The following MEGF11 variants were observed in gnomAD, a reference collection of about 807,000 sequenced individuals.
MEGF11 encodes multiple epidermal growth factor-like domains protein 11.
MEGF11 carries 126 observed loss-of-function variants against 146.6 expected under a neutral mutation model. The ratio of observed to expected loss-of-function variants is 0.86; its 90% CI spans 0.74 to 1.00. The LOEUF (loss-of-function observed/expected upper bound fraction) is 1.00, where lower values mean the gene tolerates loss of function less well. Among genes scored for constraint, MEGF11 ranks in the 50% least tolerant of loss-of-function variants. The pLI is 0.00. For missense variants in MEGF11, 1,509 were observed against 1,521.2 expected, an observed-to-expected ratio of 0.99 and a Z score of 0.13; for synonymous variants, 532 against 583.4, an observed-to-expected ratio of 0.91 and a Z score of 1.27.
At chr15:66,181,347 G>C (rs1384314550) in intron 1 of MEGF11, among the ~76,000 whole-genome samples, 2 of 152,114 alleles carry the variant, frequency 1.3e-5, no homozygotes, top group Non-Finnish European at 2.9e-5. Context: ...CCCAGGCTCA[G>C]GTTTTTGTTT....
At chr15:65,912,227 C>G (rs2277584) in intron 20 of MEGF11, 27 bp from the exon 21 acceptor site, 110,168 of 1,197,466 alleles carry the variant, frequency 0.092, 5,411 homozygotes, top group Middle Eastern at 0.1. Flanking sequence ...GTGCCACATA[C>G]CATCATACCC....
intron 15 of MEGF11, 95 bp downstream of exon 15, chr15:65,922,243 C>T (rs1467540302): frequency 9.6e-6 from 14 of 1,460,166 alleles, no homozygotes; most frequent in South Asian, 2.6e-5. Context: ...ACCTCCATAG[C>T]GTATGATGAA....
chr15:66,010,918 T>TCAC (rs3865015), intron 5 of MEGF11, among the ~76,000 whole-genome samples: 18 of 151,480 alleles, frequency 1.2e-4, no homozygotes, highest in South Asian at 2.1e-4. Context: ...TGGGAAGCCA[T>TCAC]TGGGTGTGGC....
chr15:66,177,164 A>G (rs1341603618), intron 1 of MEGF11, among the ~76,000 whole-genome samples: 6 of 152,126 alleles, frequency 3.9e-5, no homozygotes, highest in African/African-American at 7.2e-5. Context: ...TCTTCCCCCA[A>G]ATTATTCATA....
At chr15:66,154,672 C>G (rs2089688226) in intron 1 of MEGF11, among the ~76,000 whole-genome samples, 1 of 152,228 alleles carries the variant, frequency 6.6e-6, no homozygotes, top group African/African-American at 2.4e-5. Context: ...TGCCGTCTGT[C>G]TGTTGGAGAC....
chr15:65,997,613 C>T (rs2082240511), intron 5 of MEGF11, among the ~76,000 whole-genome samples: 1 of 152,152 alleles, frequency 6.6e-6, no homozygotes. Context: ...TACTTTCATC[C>T]TTTTGTTTAC....
At chr15:65,950,053 TA>T (rs780200491) in intron 10 of MEGF11, among the ~76,000 whole-genome samples, 1 of 152,132 alleles carries the variant, frequency 6.6e-6, no homozygotes, top group Middle Eastern at 3.2e-3. Context: ...TTTCCACCTC[TA>T]CCCCCAAACA....
At chr15:66,130,242 T>C (rs2088582349) in intron 1 of MEGF11, among the ~76,000 whole-genome samples, 1 of 152,192 alleles carries the variant, frequency 6.6e-6, no homozygotes. Flanking sequence ...GGAACAAGCA[T>C]CTTCTTCCAA....
In MEGF11 at chr15:66,160,969, A is replaced by T. The variant is rs146186884; in HGVS notation, c.-8-32558T>A. 3.7e-3 allele frequency among the ~76,000 whole-genome samples: 567 copies of T among 152,178 alleles called. 2 individuals are homozygous for T. Among genetic ancestry groups the T allele is most frequent in the African/African-American group, 0.013 (548 of 41,502 alleles). On this transcript the variant is annotated intron_variant, in intron 1 of 25. Coordinates refer to ENST00000395614, the MANE Select transcript of MEGF11 (RefSeq NM_001385028.1). ...GAAGCCATGCAGGGATCAGGGGAGG[A>T]GTGCCCAGGTGCAGGGAAGAGAAGT...
At chr15:65,937,407 A>G (rs915307871) in intron 10 of MEGF11, among the ~76,000 whole-genome samples, 1 of 152,212 alleles carries the variant, frequency 6.6e-6, no homozygotes, top group African/African-American at 2.4e-5. Flanking sequence ...TAAAATCACC[A>G]TCCGGAATTC....
At chr15:66,089,949 G>T (rs1212325549) in intron 5 of MEGF11, among the ~76,000 whole-genome samples, 1 of 152,150 alleles carries the variant, frequency 6.6e-6, no homozygotes, top group East Asian at 1.9e-4. Context: ...TATATGGGAT[G>T]GAGGTTTATG....
intron 1 of MEGF11, among the ~76,000 whole-genome samples, chr15:66,178,983 C>T (rs2090467283): frequency 6.6e-6 from 1 of 152,112 alleles, no homozygotes; most frequent in Non-Finnish European, 1.5e-5. Context: ...AACAAAAACC[C>T]CATAAATTCC....
rs550359385 is a variant in MEGF11 at position 66,072,827 on chromosome 15, G to A, written c.394+21575C>T. On this transcript the variant is annotated intron_variant, in intron 5 of 25. Coordinates refer to ENST00000395614, the MANE Select transcript of MEGF11 (RefSeq NM_001385028.1). ...AGGTTGCCTGGCTCGCTCCAGCAGT[G>A]GCACTAGAACCTCATCTTCCTGACT... 2.0e-4 allele frequency among the ~76,000 whole-genome samples: 31 copies of A among 152,318 alleles called. No homozygotes were observed. The South Asian group carries it at 6.4e-3, about 32-fold the overall frequency.
At chr15:66,186,630 C>T (rs546592845) in intron 1 of MEGF11, among the ~76,000 whole-genome samples, 3 of 152,320 alleles carry the variant, frequency 2.0e-5, no homozygotes, top group East Asian at 3.9e-4. Context: ...TGTCCATCAC[C>T]GAGTGGTCCT....
chr15:66,098,207 C>T (rs555254674), intron 4 of MEGF11, among the ~76,000 whole-genome samples: 3 of 152,120 alleles, frequency 2.0e-5, no homozygotes, highest in Non-Finnish European at 4.4e-5. Context: ...CCCAGGACAG[C>T]GATCTTGGCA....
intron 1 of MEGF11, among the ~76,000 whole-genome samples, chr15:66,239,086 G>A (rs949170741): frequency 1.3e-5 from 2 of 152,122 alleles, no homozygotes; most frequent in Admixed American, 6.5e-5. Context: ...GGCAGAGCTG[G>A]GGTTCGAACC....
intron 1 of MEGF11, among the ~76,000 whole-genome samples, chr15:66,234,114 G>T (rs2140212225): frequency 6.6e-6 from 1 of 152,060 alleles, no homozygotes; most frequent in Admixed American, 6.5e-5. Flanking sequence ...GGCCAGGCTG[G>T]TCTCAAACTC....
chr15:65,920,581 A>G (rs770371129), intron 15 of MEGF11, among the ~76,000 whole-genome samples: 7 of 152,236 alleles, frequency 4.6e-5, no homozygotes, highest in African/African-American at 1.7e-4. Flanking sequence ...AATATGATCA[A>G]TCTAATCCAT....
rs528077898 is a variant in MEGF11, at chr15:65,965,031, G to A, written c.989C>T (p.Thr330Met). 1.7e-4 allele frequency: 267 copies of A among 1,584,374 alleles called. 4 individuals are homozygous for A. In the South Asian group the frequency reaches 2.3e-3, roughly 14 times the overall value. ...CHNGGQCSPT[T>M]GACECEPGYK... is the part of the protein sequence containing the mutation. ...GCCAGGCTCACACTCGCAGGCACCC[G>A]TGGTGGGTGAACACTGCCCCCCATT... is the stretch of plus-strand genomic sequence containing the variant. Residue 330 changes from threonine (T) to methionine (M), a missense_variant, in exon 9 of 26, where the codon ACG (threonine) becomes ATG (methionine). Thr to Met is a moderately conservative substitution (Grantham distance 81). Coordinates refer to ENST00000395614, the MANE Select transcript of MEGF11 (RefSeq NM_001385028.1).
Sources: allele counts gnomAD v4.1 joint callset (sites outside exome capture counted in the v4.1 genomes callset), GRCh38; gene constraint gnomAD v4.1.1; transcripts MANE v1.5; gene names NCBI Gene and HGNC (gene_info 2026-07-23, HGNC 2026-07-21).